Variants in TMEM120B observed in about 807,000 individuals in gnomAD.
The protein encoded by TMEM120B is transmembrane protein 120B.
A neutral mutation model predicts 55.5 loss-of-function variants in TMEM120B; 31 were observed. The observed-to-expected ratio is 0.56, with a 90% confidence interval of 0.42 to 0.75. The LOEUF is 0.75. Among genes scored for constraint, TMEM120B ranks in the 30% least tolerant of loss-of-function variants. The pLI is 0.00. For synonymous variants in TMEM120B, 203 were observed against 176.3 expected (o/e 1.15, Z -1.20); for missense variants, 399 against 425.5 (o/e 0.94, Z 0.55).
intron 1 of TMEM120B, among the ~76,000 whole-genome samples, chr12:121,718,017 T>A (rs926100837): frequency 6.6e-5 from 10 of 152,212 alleles, no homozygotes; most frequent in African/African-American, 2.4e-4. Context: ...ATCAGTATTC[T>A]TGAGTTCAGG....
At chr12:121,755,909 C>T (rs1480214437) in intron 5 of TMEM120B, among the ~76,000 whole-genome samples, 2 of 152,136 alleles carry the variant, frequency 1.3e-5, no homozygotes, top group Non-Finnish European at 2.9e-5. Context: ...CTTGCACCAG[C>T]AGAGTAGATG....
In TMEM120B at chr12:121,775,687, C is replaced by T. The variant is rs780997410; in HGVS notation, c.985C>T (p.Leu329Phe). 9 of 1,613,982 alleles carry T rather than the reference C, an allele frequency of 5.6e-6. No homozygotes were observed. Among genetic ancestry groups the T allele is most frequent in the Non-Finnish European group, 7.6e-6 (9 of 1,180,002 alleles). Residue 329 changes from leucine (L) to phenylalanine (F), a missense_variant, in exon 12 of 12, where the codon CTC becomes TTC. Physicochemically the swap from Leu to Phe is conservative, Grantham distance 22. This residue lies in a region of TMEM120B where 260 missense variants were observed against 303.9 expected (regional missense o/e 0.86). Coordinates refer to ENST00000449592, the MANE Select transcript of TMEM120B (RefSeq NM_001080825.2). This position sits in a 1 kb window ranked among gnomAD's most constrained non-coding sequence, Gnocchi z 4.3. ...LTTLKVVHAKLQKNRGKTKQP is the reference protein window; with the variant it reads ...LTTLKVVHAKFQKNRGKTKQP ...CACGCTCAAAGTCGTGCATGCCAAG[C>T]TCCAGAAGAACAGAGGCAAGACAAA...
At chr12:121,740,128 AACAGAT>A (rs1487951896) in intron 1 of TMEM120B, among the ~76,000 whole-genome samples, 6 of 152,164 alleles carry the variant, frequency 3.9e-5, no homozygotes, top group Non-Finnish European at 8.8e-5. Context: ...TCTCACTGAT[AACAGAT>A]ACAGTTGATT....
rs1874464323 is a variant in TMEM120B, at chr12:121,781,685, AC to A, written c.*5965del. The stretch of plus-strand genomic sequence containing the variant: ...AACCCTCCCCTCCCCAAAGATTCAG[AC>A]CTGTGGGGCTGAGTGGGCTCATAGT... On this transcript the variant is annotated 3_prime_UTR_variant, in exon 12 of 12. Coordinates refer to ENST00000449592, the MANE Select transcript of TMEM120B (RefSeq NM_001080825.2). 6.3e-6 allele frequency: 1 copy of A among 159,522 alleles called. No individual in the cohort carries two copies. Among genetic ancestry groups the A allele is most frequent in the Admixed American group, 5.9e-5 (1 of 17,054 alleles). 9.9% of individuals were successfully genotyped at this position (159,522 alleles called of 1,614,324 possible). A position where few individuals can be genotyped will look rare whatever the true frequency, so the allele number is the denominator to read the frequency against.
At chr12:121,749,482 G>A (rs1378021770) in intron 3 of TMEM120B, among the ~76,000 whole-genome samples, 1 of 152,210 alleles carries the variant, frequency 6.6e-6, no homozygotes, top group Non-Finnish European at 1.5e-5. Flanking sequence ...AGGAATTCAA[G>A]ACCAGCCTGG....
chr12:121,728,087 G>A (rs1208699908), intron 1 of TMEM120B, among the ~76,000 whole-genome samples: 5 of 150,914 alleles, frequency 3.3e-5, no homozygotes, highest in African/African-American at 9.7e-5. Context: ...GGTTCACTGC[G>A]CCCTCTGCCT....
intron 5 of TMEM120B, among the ~76,000 whole-genome samples, chr12:121,757,522 TTA>T (rs1338463130): frequency 8.2e-5 from 10 of 122,234 alleles, no homozygotes; most frequent in South Asian, 2.4e-4. Context: ...TTATTATTAT[TTA>T]TTTTTTTTTT....
intron 10 of TMEM120B, among the ~76,000 whole-genome samples, 159 bp from the exon 11 acceptor site, chr12:121,774,903 C>T (rs887973262): frequency 4.6e-5 from 7 of 152,178 alleles, no homozygotes; most frequent in African/African-American, 1.7e-4. Flanking sequence ...CCTAGCTCTG[C>T]CCTGGCCTCG....
At position 121,771,398 on chromosome 12, in the gene TMEM120B, G is replaced by A. The variant is rs548615980; in HGVS notation, c.618-90G>A. 251 of 1,151,192 alleles carry A rather than the reference G, an allele frequency of 2.2e-4. 4 individuals carry two copies. In the South Asian group the frequency reaches 2.8e-3, roughly 13 times the overall value. The allele number at this position is 1,151,192 out of a possible 1,614,324, so 71.3% of individuals were successfully genotyped here. On this transcript the variant is annotated intron_variant, in intron 7 of 11. Transcript: ENST00000449592. ...TCAGTTTGACTTTATACACCTTTTC[G>A]CCTCTTCTGGTTGGAATGGAGTTGG...
rs987853309 is a variant in TMEM120B, at chr12:121,717,973, A to T, written c.69+5009A>T. Among the ~76,000 whole-genome samples the T allele has an allele frequency of 3.9e-5, 6 of 152,294 alleles. No homozygotes were observed. The South Asian group carries it at 1.2e-3, about 32-fold the overall frequency. ...ACCCAGCCGGGCATCTTTCTTTAGT[A>T]GCAGATTGTGCAGAAAAAGACACTG... On this transcript the variant is annotated intron_variant, in intron 1 of 11. Coordinates refer to ENST00000449592, the MANE Select transcript of TMEM120B (RefSeq NM_001080825.2).
At position 121,750,364 on chromosome 12, in the gene TMEM120B, A is replaced by G. The variant is rs1873236735; in HGVS notation, c.306-16A>G. 1 of 1,611,842 alleles carries G rather than the reference A, an allele frequency of 6.2e-7. No homozygotes were observed. The highest frequency in any genetic ancestry group is 8.5e-7 in the Non-Finnish European group (1 of 1,178,602). On this transcript the variant is annotated splice_polypyrimidine_tract_variant and intron_variant, in intron 3 of 11. Transcript: ENST00000449592. ...ACCTGCTAAGGATCATGCCCCTCAC[A>G]GGTGTTTCCTTCCAGGCTCTACTTG... is the stretch of plus-strand genomic sequence containing the variant.
Position 121,769,271 on chromosome 12 carries a change from C to T in TMEM120B, c.552-1636C>T, listed in dbSNP as rs1873951144. ...GAAGTCCAGGGCTGGGCAAGGGCCT[C>T]CTGTCACTGAGATGACAGGAGATGG... On this transcript the variant is annotated intron_variant, in intron 6 of 11. Transcript: ENST00000449592. Among the ~76,000 whole-genome samples, 3 of 151,986 alleles carry T rather than the reference C, an allele frequency of 2.0e-5. No individual in the cohort carries two copies. In the South Asian group the frequency reaches 6.2e-4, roughly 31 times the overall value.
At chr12:121,746,340 A>AC (rs540617454) in intron 2 of TMEM120B, among the ~76,000 whole-genome samples, 3 of 151,908 alleles carry the variant, frequency 2.0e-5, no homozygotes, top group Admixed American at 1.3e-4. Context: ...GGCATGCACC[A>AC]CCATGCCCAG....
At position 121,768,751 on chromosome 12, in the gene TMEM120B, G is replaced by A. The variant is rs117104962; in HGVS notation, c.552-2156G>A. 5.0e-3 allele frequency among the ~76,000 whole-genome samples: 762 copies of A among 152,302 alleles called. 2 individuals carry two copies. Among genetic ancestry groups the A allele is most frequent in the South Asian group, 0.018 (88 of 4,828 alleles). Reference sequence around the variant, plus strand: ...GGCCTGAGACACACTCTGGGATGTTGAAGGTTACAGGGTTGAGGGGTCCAA... The same window carrying A: ...GGCCTGAGACACACTCTGGGATGTTAAAGGTTACAGGGTTGAGGGGTCCAA... On this transcript the variant is annotated intron_variant, in intron 6 of 11. Transcript: ENST00000449592.
In TMEM120B at chr12:121,776,015, A is replaced by C. The variant is rs1011616023; in HGVS notation, c.*293A>C. The C allele has an allele frequency of 1.7e-6, 1 of 590,714 alleles. No homozygotes were observed. Among genetic ancestry groups the C allele is most frequent in the East Asian group, 2.8e-5 (1 of 35,678 alleles). 36.6% of individuals were successfully genotyped at this position (590,714 alleles called of 1,614,324 possible). Reference sequence around the variant, plus strand: ...CAGTCTTCCTGGGGATGGGGCCTGAAGCCTCAGGGAGCCCCTCTGTTCCCA... The same window carrying C: ...CAGTCTTCCTGGGGATGGGGCCTGACGCCTCAGGGAGCCCCTCTGTTCCCA... On this transcript the variant is annotated 3_prime_UTR_variant, in exon 12 of 12. Transcript: ENST00000449592.
At position 121,781,351 on chromosome 12, in the gene TMEM120B, G is replaced by T; in HGVS notation, c.*5629G>T. 1 of 639,878 alleles carries T rather than the reference G, an allele frequency of 1.6e-6. No individual in the cohort carries two copies. Among genetic ancestry groups the T allele is most frequent in the Non-Finnish European group, 2.7e-6 (1 of 371,998 alleles). 39.6% of individuals were successfully genotyped at this position (639,878 alleles called of 1,614,324 possible). On this transcript the variant is annotated 3_prime_UTR_variant, in exon 12 of 12. Coordinates refer to ENST00000449592, the MANE Select transcript of TMEM120B (RefSeq NM_001080825.2). ...CCAGGAGTGCTGGCACAGGCCTGTG[G>T]TCGCAGCTACTCGGGAGGCTGAGGC...
At chr12:121,759,198 C>T (rs1463871453) in intron 5 of TMEM120B, among the ~76,000 whole-genome samples, 1 of 145,752 alleles carries the variant, frequency 6.9e-6, no homozygotes, top group Non-Finnish European at 1.5e-5. Context: ...CAGGCGTGAG[C>T]CACCGCACCC....
chr12:121,739,723 C>T (rs898802537), intron 1 of TMEM120B, among the ~76,000 whole-genome samples: 3 of 151,654 alleles, frequency 2.0e-5, no homozygotes, highest in Non-Finnish European at 4.4e-5. Context: ...CCACACACCA[C>T]AGCCTCCCAA....
At chr12:121,716,947 C>A (rs1188453669) in intron 1 of TMEM120B, among the ~76,000 whole-genome samples, 8 of 152,132 alleles carry the variant, frequency 5.3e-5, no homozygotes, top group Non-Finnish European at 8.8e-5. Context: ...TCCCTCCTCC[C>A]CACCCCAAGA....
Sources: allele counts gnomAD v4.1 joint callset (sites outside exome capture counted in the v4.1 genomes callset), GRCh38; gene constraint gnomAD v4.1.1; regional missense constraint gnomAD v4.1.1; non-coding constraint Gnocchi (gnomAD v3.1); transcripts MANE v1.5; gene names NCBI Gene and HGNC (gene_info 2026-07-23, HGNC 2026-07-21).